The following DNAJC8 variants were observed in gnomAD, a reference collection of about 807,000 sequenced individuals.
DNAJC8 encodes dnaJ homolog subfamily C member 8.
A neutral mutation model predicts 43.2 loss-of-function variants in DNAJC8; 24 were observed. That is an observed-to-expected ratio of 0.56 (90% CI 0.40 to 0.78). The LOEUF is 0.78. Ranked by LOEUF, DNAJC8 falls within the 30% of genes least tolerant of loss-of-function variation. DNAJC8 has a pLI of 0.00. For synonymous variants in DNAJC8, 83 were observed against 98.0 expected, an observed-to-expected ratio of 0.85 and a Z score of 0.90; for missense variants, 207 against 299.4, an observed-to-expected ratio of 0.69 and a Z score of 2.28.
intron 2 of DNAJC8, among the ~76,000 whole-genome samples, chr1:28,219,216 A>C (rs900715107): frequency 3.3e-5 from 5 of 151,658 alleles, no homozygotes; most frequent in African/African-American, 1.2e-4. Flanking sequence ...AAAAAAAAAA[A>C]CCCTAAAATT....
At chr1:28,228,242 G>T (rs548694149) in intron 2 of DNAJC8, among the ~76,000 whole-genome samples, 2 of 151,592 alleles carry the variant, frequency 1.3e-5, no homozygotes, top group East Asian at 3.9e-4. Flanking sequence ...CCACCTACTC[G>T]GGAGGCTGAG....
At position 28,228,955 on chromosome 1, in the gene DNAJC8, A is replaced by G; in HGVS notation, c.147T>C (p.Pro49=). The part of the protein sequence containing the change: ...SKNQIERLTR[P]GSSYFNLNPF... ...GGTTCAAATTGAAGTAAGAGGAACC[A>G]GGACGGGTCAGTCTTTCAATCTGAT... The change falls in exon 2 of 9, where the codon CCT becomes CCC. Residue 49 remains proline (P), a synonymous_variant. Coordinates refer to ENST00000263697, the MANE Select transcript of DNAJC8 (RefSeq NM_014280.3). The G allele has an allele frequency of 6.2e-7, 1 of 1,613,388 alleles. No individual in the cohort carries two copies. Among genetic ancestry groups the G allele is most frequent in the Non-Finnish European group, 8.5e-7 (1 of 1,179,984 alleles).
chr1:28,228,213 G>A (rs1398400372), intron 2 of DNAJC8, among the ~76,000 whole-genome samples: 3 of 152,020 alleles, frequency 2.0e-5, no homozygotes, highest in African/African-American at 4.8e-5. Flanking sequence ...GCCAGGCACA[G>A]TGGTGGGCAC....
intron 2 of DNAJC8, among the ~76,000 whole-genome samples, chr1:28,228,511 A>C (rs1241905176): frequency 6.6e-6 from 1 of 152,128 alleles, no homozygotes; most frequent in African/African-American, 2.4e-5. Flanking sequence ...GCTCGGTACA[A>C]TCACCCAAGT....
chr1:28,231,696 A>T (rs1646976393), intron 1 of DNAJC8, among the ~76,000 whole-genome samples: 1 of 150,760 alleles, frequency 6.6e-6, no homozygotes, highest in Admixed American at 6.6e-5. Context: ...GGCCTGGGCA[A>T]CAAGAGCAAA....
At chr1:28,222,395 A>G (rs999075032) in intron 2 of DNAJC8, among the ~76,000 whole-genome samples, 3 of 150,446 alleles carry the variant, frequency 2.0e-5, no homozygotes, top group African/African-American at 7.3e-5. Context: ...CTGAGACAGG[A>G]GAATTGCTTG....
chr1:28,202,579 T>A (rs993549267), intron 8 of DNAJC8, among the ~76,000 whole-genome samples: 1 of 97,506 alleles, frequency 1.0e-5, no homozygotes, highest in African/African-American at 4.4e-5. Flanking sequence ...TCACCCGGCC[T>A]TTTTTTTTCT....
intron 8 of DNAJC8, among the ~76,000 whole-genome samples, chr1:28,202,807 C>T (rs1363593110): frequency 1.3e-5 from 2 of 151,874 alleles, no homozygotes; most frequent in Non-Finnish European, 2.9e-5. Flanking sequence ...TGGTCTCAAT[C>T]TCCTGACCTC....
intron 3 of DNAJC8, among the ~76,000 whole-genome samples, chr1:28,211,693 G>A (rs490633): frequency 0.33 from 50,215 of 151,976 alleles, 9,011 homozygotes; most frequent in African/African-American, 0.46. Context: ...TACTAGACTG[G>A]GTTTCAGATG....
At chr1:28,230,591 A>AT (rs1235370730) in intron 1 of DNAJC8, among the ~76,000 whole-genome samples, 2 of 152,014 alleles carry the variant, frequency 1.3e-5, no homozygotes, top group African/African-American at 2.4e-5. Flanking sequence ...TTCCTTAGAT[A>AT]TTTTTTCCCA....
At chr1:28,210,884 A>G (rs1329069368) in intron 3 of DNAJC8, among the ~76,000 whole-genome samples, 1 of 152,248 alleles carries the variant, frequency 6.6e-6, no homozygotes, top group African/African-American at 2.4e-5. Flanking sequence ...GTTGAGACCA[A>G]ACATGCCAGG....
intron 1 of DNAJC8, 126 bp downstream of exon 1, chr1:28,232,795 C>T: frequency 1.0e-6 from 1 of 984,392 alleles, no homozygotes; most frequent in Non-Finnish European, 1.5e-6. Context: ...AGACCCCCGC[C>T]ACCCCGAAGA....
rs765722427 is a variant in DNAJC8 at position 28,210,655 on chromosome 1, T to C, written c.238-18A>G. On this transcript the variant is annotated intron_variant, in intron 3 of 8. Transcript: ENST00000263697. ...ATGGATAACTACAATAAGAGAAAAG[T>C]TGGGGTTGTCAATAAGGGAAACATT... 1 of 1,611,170 alleles carries C rather than the reference T, an allele frequency of 6.2e-7. No homozygotes were observed. The highest frequency in any genetic ancestry group is 2.2e-5 in the East Asian group (1 of 44,824).
intron 3 of DNAJC8, among the ~76,000 whole-genome samples, chr1:28,213,679 T>C (rs948532486): frequency 2.6e-5 from 4 of 151,882 alleles, no homozygotes; most frequent in African/African-American, 9.7e-5. Flanking sequence ...ATATAGAAAA[T>C]CCAATTTGCA....
At chr1:28,202,202 T>A (rs1376463526) in intron 8 of DNAJC8, among the ~76,000 whole-genome samples, 1 of 152,184 alleles carries the variant, frequency 6.6e-6, no homozygotes, top group Non-Finnish European at 1.5e-5. Flanking sequence ...ACGAAATCAG[T>A]AATAATCATC....
intron 8 of DNAJC8, among the ~76,000 whole-genome samples, chr1:28,201,946 G>A (rs951814942): frequency 5.3e-5 from 8 of 151,110 alleles, no homozygotes; most frequent in African/African-American, 1.5e-4. Context: ...AAAGTTAGCC[G>A]GGCATGGTGG....
At chr1:28,201,552 G>A (rs1342329013) in intron 8 of DNAJC8, among the ~76,000 whole-genome samples, 182 bp from the exon 9 acceptor site, 1 of 152,188 alleles carries the variant, frequency 6.6e-6, no homozygotes, top group Admixed American at 6.5e-5. Flanking sequence ...ACTTCGGGAG[G>A]CCGAGGCGGG....
At position 28,219,205 on chromosome 1, in the gene DNAJC8, T is replaced by TAA. The variant is rs892031134; in HGVS notation, c.181-4211_181-4210dup. Among the ~76,000 whole-genome samples, 8 of 146,130 alleles carry TAA rather than the reference T, an allele frequency of 5.5e-5. No individual in the cohort carries two copies. In the East Asian group the frequency reaches 5.9e-4, roughly 11 times the overall value. On this transcript the variant is annotated intron_variant, in intron 2 of 8. Coordinates refer to ENST00000263697, the MANE Select transcript of DNAJC8 (RefSeq NM_014280.3). Reference sequence around the variant, plus strand: ...AAAATGGTTATAGTGGTTCTTGAGTTAAAAAAAAAAACCCTAAAATTGGCC... The same window carrying TAA: ...AAAATGGTTATAGTGGTTCTTGAGTTAAAAAAAAAAAAACCCTAAAATTGGCC...
At chr1:28,232,381 C>G (rs1646982351) in intron 1 of DNAJC8, among the ~76,000 whole-genome samples, 1 of 152,238 alleles carries the variant, frequency 6.6e-6, no homozygotes, top group South Asian at 2.1e-4. Flanking sequence ...AACAAGCCCA[C>G]TGCTGTCCTA....
Sources: gnomAD v4.1 joint callset for allele counts (sites outside exome capture counted in the v4.1 genomes callset) on GRCh38, gnomAD v4.1.1 for gene constraint, MANE v1.5 for transcripts, NCBI Gene and HGNC (gene_info 2026-07-23, HGNC 2026-07-21) for gene names.